SDK1: variants seen among roughly 807,000 people sequenced by gnomAD.
The protein encoded by SDK1 is sidekick cell adhesion molecule 1, also known as protein sidekick-1.
SDK1 carries 157 observed loss-of-function variants against 245.5 expected under a neutral mutation model. The ratio of observed to expected loss-of-function variants is 0.64; its 90% CI spans 0.56 to 0.73. The LOEUF is 0.73. SDK1 is among the 30% of genes least tolerant of loss of function. The pLI is 0.00. For synonymous variants in SDK1, 1,647 were observed against 1,278.5 expected, an observed-to-expected ratio of 1.29 and a Z score of -6.15; for missense variants, 3,583 against 3,002.3, an observed-to-expected ratio of 1.19 and a Z score of -4.52.
At chr7:3,575,460 C>T (rs1434915308) in intron 1 of SDK1, among the ~76,000 whole-genome samples, 1 of 151,550 alleles carries the variant, frequency 6.6e-6, no homozygotes, top group Non-Finnish European at 1.5e-5. Context: ...AACATCAGTC[C>T]CTAAGAACAT....
At chr7:3,401,331 A>G (rs954412203) in intron 1 of SDK1, among the ~76,000 whole-genome samples, 5 of 152,184 alleles carry the variant, frequency 3.3e-5, no homozygotes, top group Admixed American at 3.3e-4. Flanking sequence ...ATAACTTGGA[A>G]GTTTAAACAA....
rs144123466 is a variant in SDK1 at position 4,266,095 on chromosome 7, G to T, written c.*711G>T. On this transcript the variant is annotated 3_prime_UTR_variant, in exon 45 of 45. Transcript: ENST00000404826. ...TTTCCCCCTTCCTTCTCACCTGACA[G>T]CGAGGGAGAGGGAAGCCTCTTAGGG... 13,161 of 985,434 alleles carry T rather than the reference G, an allele frequency of 0.013. 112 individuals are homozygous for T. Among genetic ancestry groups the T allele is most frequent in the Non-Finnish European group, 0.014 (11,744 of 829,948 alleles). 61.0% of individuals were successfully genotyped at this position (985,434 alleles called of 1,614,324 possible).
chr7:3,579,118 A>G (rs1780400987), intron 1 of SDK1, among the ~76,000 whole-genome samples: 1 of 152,042 alleles, frequency 6.6e-6, no homozygotes, highest in Non-Finnish European at 1.5e-5. Flanking sequence ...GGCTTATGAA[A>G]GTACTATCTT....
At position 3,884,075 on chromosome 7, in the gene SDK1, GTTTTTTTGTTTT is replaced by G. The variant is rs1562512017; in HGVS notation, c.847+62500_847+62511del. Among the ~76,000 whole-genome samples, 196 of 138,974 alleles carry G rather than the reference GTTTTTTTGTTTT, an allele frequency of 1.4e-3. 1 individual carries two copies. Among genetic ancestry groups the G allele is most frequent in the African/African-American group, 5.2e-3 (191 of 36,848 alleles). The allele number at this position is 138,974 out of a possible 152,430, so 91.2% of individuals were successfully genotyped here. ...TTGTTTGTTTGTTTTTTGTTTGTTT[GTTTTTTTGTTTT>G]TTTTTTTTTTTGAGACAGGGTCTCG... On this transcript the variant is annotated intron_variant, in intron 5 of 44. Coordinates refer to ENST00000404826, the MANE Select transcript of SDK1 (RefSeq NM_152744.4).
intron 1 of SDK1, among the ~76,000 whole-genome samples, chr7:3,325,711 A>G (rs1779924058): frequency 6.6e-6 from 1 of 152,182 alleles, no homozygotes; most frequent in Non-Finnish European, 1.5e-5. Context: ...ATCTGTTACA[A>G]AAGTACCAGA....
At chr7:4,134,858 G>C (rs1252593692) in intron 28 of SDK1, 2 of 152,466 alleles carry the variant, frequency 1.3e-5, no homozygotes, top group Non-Finnish European at 2.9e-5. Flanking sequence ...CGCGTGCTCA[G>C]ATTCCAGTAC....
intron 1 of SDK1, among the ~76,000 whole-genome samples, chr7:3,377,007 T>G (rs1303260466): frequency 6.6e-6 from 1 of 152,198 alleles, no homozygotes; most frequent in African/African-American, 2.4e-5. Flanking sequence ...ACTTCCTTGT[T>G]GCCAACTCTC....
At chr7:3,722,587 T>A (rs1417441235) in intron 4 of SDK1, among the ~76,000 whole-genome samples, 1 of 152,142 alleles carries the variant, frequency 6.6e-6, no homozygotes, top group Non-Finnish European at 1.5e-5. Flanking sequence ...ATGCACTGTG[T>A]GTACGCGCCT....
intron 35 of SDK1, among the ~76,000 whole-genome samples, chr7:4,195,359 G>A (rs1035459724): frequency 6.6e-6 from 1 of 151,814 alleles, no homozygotes; most frequent in Non-Finnish European, 1.5e-5. Context: ...CTCCTTGCCT[G>A]GTTTCCAGAA....
rs972078052 is a variant in SDK1 at position 4,266,236 on chromosome 7, A to G, written c.*852A>G. On this transcript the variant is annotated 3_prime_UTR_variant, in exon 45 of 45. Coordinates refer to ENST00000404826, the MANE Select transcript of SDK1 (RefSeq NM_152744.4). ...ATTGCTTGTTACGTAGGAAGCGTGC[A>G]TTGTTAACCAGAGTATTTTTAAAAT... 40 of 985,316 alleles carry G rather than the reference A, an allele frequency of 4.1e-5. No individual in the cohort carries two copies. In the South Asian group the frequency reaches 8.9e-4, roughly 22 times the overall value. 61.0% of individuals were successfully genotyped at this position (985,316 alleles called of 1,614,324 possible). A position where few individuals can be genotyped will look rare whatever the true frequency, so the allele number is the denominator to read the frequency against.
At chr7:3,817,840 G>C (rs1385352478) in intron 4 of SDK1, among the ~76,000 whole-genome samples, 2 of 152,188 alleles carry the variant, frequency 1.3e-5, no homozygotes, top group Non-Finnish European at 2.9e-5. Context: ...GGAGAATCAA[G>C]TGAAGAATGG....
chr7:3,881,785 G>C (rs1489477510), intron 5 of SDK1, among the ~76,000 whole-genome samples: 1 of 152,042 alleles, frequency 6.6e-6, no homozygotes, highest in East Asian at 1.9e-4. Flanking sequence ...TCCTATAAAT[G>C]GTTCTTCTTT....
intron 44 of SDK1, among the ~76,000 whole-genome samples, chr7:4,252,515 C>G (rs1368955854): frequency 1.3e-5 from 2 of 152,122 alleles, no homozygotes; most frequent in Non-Finnish European, 2.9e-5. Context: ...CCGCAATAAA[C>G]ATACGTGTGT....
chr7:3,314,763 T>C (rs895864248), intron 1 of SDK1, among the ~76,000 whole-genome samples: 1 of 152,258 alleles, frequency 6.6e-6, no homozygotes, highest in African/African-American at 2.4e-5. Context: ...TAAAATATTA[T>C]AATCTAGTGT....
chr7:3,903,840 C>A (rs1224544947), intron 5 of SDK1, among the ~76,000 whole-genome samples: 1 of 152,122 alleles, frequency 6.6e-6, no homozygotes, highest in Non-Finnish European at 1.5e-5. Flanking sequence ...TAGTACTCTC[C>A]CTTGGGAGTG....
intron 4 of SDK1, among the ~76,000 whole-genome samples, chr7:3,674,851 C>T (rs1583295561): frequency 6.6e-6 from 1 of 152,228 alleles, no homozygotes; most frequent in East Asian, 1.9e-4. Flanking sequence ...GGGTAAAGGG[C>T]ATGGCTGGAT....
intron 1 of SDK1, among the ~76,000 whole-genome samples, chr7:3,536,265 A>G (rs2341025): frequency 0.25 from 37,025 of 150,504 alleles, 4,815 homozygotes; most frequent in East Asian, 0.33. Flanking sequence ...ACGGGGTTGC[A>G]CCATGTTAGC....
intron 19 of SDK1, among the ~76,000 whole-genome samples, chr7:4,053,875 C>A (rs1029536614): frequency 2.0e-5 from 3 of 152,024 alleles, no homozygotes; most frequent in Admixed American, 6.6e-5. Context: ...TTTTGTTTAA[C>A]TGATTTTGGC....
chr7:4,203,206 G>A (rs1337211713), intron 35 of SDK1, among the ~76,000 whole-genome samples: 1 of 152,216 alleles, frequency 6.6e-6, no homozygotes, highest in African/African-American at 2.4e-5. Context: ...CAGAATTCCA[G>A]AACATTTCAG....
Sources: gnomAD v4.1 joint callset for allele counts (sites outside exome capture counted in the v4.1 genomes callset) on GRCh38, gnomAD v4.1.1 for gene constraint, MANE v1.5 for transcripts, NCBI Gene and HGNC (gene_info 2026-07-23, HGNC 2026-07-21) for gene names.